Variants in LY75 observed in about 807,000 individuals in gnomAD.
LY75 encodes the protein lymphocyte antigen 75.
LY75 carries 185 observed loss-of-function variants against 231.7 expected under a neutral mutation model. That is an observed-to-expected ratio of 0.80 (90% confidence interval 0.71 to 0.90). LY75 has a LOEUF of 0.90. LY75 is among the 40% of genes least tolerant of loss of function. LY75 has a pLI of 0.00. For synonymous variants in LY75, 668 were observed against 689.0 expected (o/e 0.97, Z 0.48); for missense variants, 1,947 against 2,050.2 (o/e 0.95, Z 0.97).
intron 13 of LY75, among the ~76,000 whole-genome samples, chr2:159,870,444 G>A (rs75598313): frequency 3.3e-5 from 2 of 61,446 alleles, no homozygotes. Context: ...AAACAAGACT[G>A]TCTCAAAAAA....
intron 23 of LY75, 103 bp from the exon 24 acceptor site, chr2:159,842,477 G>T (rs754516597): frequency 2.0e-5 from 27 of 1,344,046 alleles, no homozygotes; most frequent in South Asian, 6.9e-5. Context: ...CCCTATAAAA[G>T]AATTCCATGA....
intron 3 of LY75, among the ~76,000 whole-genome samples, chr2:159,890,906 G>A (rs926356414): frequency 1.8e-4 from 27 of 152,224 alleles, no homozygotes; most frequent in African/African-American, 6.3e-4. Context: ...TATATGATAT[G>A]TAATTCACAT....
At chr2:159,872,932 T>C (rs1301692944) in intron 12 of LY75, among the ~76,000 whole-genome samples, 2 of 152,158 alleles carry the variant, frequency 1.3e-5, no homozygotes, top group African/African-American at 4.8e-5. Context: ...TACATATAAA[T>C]GCTTTGGGAG....
intron 12 of LY75, among the ~76,000 whole-genome samples, chr2:159,873,554 C>T (rs980652730): frequency 2.6e-5 from 4 of 152,062 alleles, no homozygotes; most frequent in Admixed American, 6.6e-5. Context: ...ACCATTCAAG[C>T]CCAAACTAGA....
intron 30 of LY75, 64 bp downstream of exon 30, chr2:159,816,742 C>G (rs922779256): frequency 6.3e-7 from 1 of 1,592,158 alleles, no homozygotes; most frequent in African/African-American, 1.3e-5. Context: ...ATACTTTACG[C>G]TCAAATTTCT....
intron 5 of LY75, 40 bp downstream of exon 5, chr2:159,886,380 G>A (rs745518941): frequency 2.6e-6 from 4 of 1,519,626 alleles, no homozygotes; most frequent in Non-Finnish European, 3.5e-6. Flanking sequence ...CTTTTTTGAA[G>A]ATTTGTTCTG....
At position 159,831,784 on chromosome 2, in the gene LY75, G is replaced by A; in HGVS notation, c.3844C>T (p.Pro1282Ser). The change falls in exon 28 of 35, where the codon CCA becomes TCA. Residue 1282 changes from proline to serine, a missense_variant and splice_region_variant. Transcript: ENST00000263636. ...EVHTKCQKLN[P>S]KSHILSIRDE... Reference sequence around the variant, plus strand: ...CGAATACTCAGAATATGTGATTTTGGATCTGTTGAATAAAAAATAATCAAT... The same window carrying A: ...CGAATACTCAGAATATGTGATTTTGAATCTGTTGAATAAAAAATAATCAAT... The A allele has an allele frequency of 6.3e-7, 1 of 1,598,498 alleles. No homozygotes were observed. The highest frequency in any genetic ancestry group is 2.2e-5 in the East Asian group (1 of 44,450).
intron 28 of LY75, among the ~76,000 whole-genome samples, chr2:159,821,937 C>A (rs182550890): frequency 6.6e-6 from 1 of 152,218 alleles, no homozygotes; most frequent in East Asian, 1.9e-4. Context: ...TGCAAGGGGT[C>A]GGGGAATTTT....
intron 33 of LY75, chr2:159,807,832 A>T: frequency 1.0e-6 from 1 of 974,852 alleles, no homozygotes; most frequent in Non-Finnish European, 1.2e-6. Context: ...AAGTTCACCT[A>T]AACCCTGTAT....
chr2:159,859,802 T>C (rs141831819), intron 15 of LY75, among the ~76,000 whole-genome samples: 115 of 152,342 alleles, frequency 7.5e-4, no homozygotes, highest in African/African-American at 2.7e-3. Flanking sequence ...AGATTGCTTA[T>C]GTGCTATGTG....
intron 25 of LY75, 73 bp downstream of exon 25, chr2:159,840,656 T>G: frequency 1.0e-5 from 16 of 1,589,558 alleles, no homozygotes; most frequent in Non-Finnish European, 1.3e-5. Flanking sequence ...TAGTCTGCTG[T>G]GAGAGAAGCT....
intron 28 of LY75, among the ~76,000 whole-genome samples, chr2:159,826,749 C>T (rs983920908): frequency 1.3e-5 from 2 of 152,040 alleles, no homozygotes; most frequent in Non-Finnish European, 2.9e-5. Flanking sequence ...GTACTGGTAC[C>T]AAAACAGAGA....
At position 159,854,474 on chromosome 2, in the gene LY75, A is replaced by G. The variant is rs199711779; in HGVS notation, c.2481T>C (p.Ala827=). The G allele has an allele frequency of 6.2e-7, 1 of 1,613,724 alleles. No homozygotes were observed. Among genetic ancestry groups the G allele is most frequent in the East Asian group, 2.2e-5 (1 of 44,864 alleles). Residue 827 remains alanine, a synonymous_variant, in exon 18 of 35, where the codon GCT becomes GCC. Coordinates refer to ENST00000263636, the MANE Select transcript of LY75 (RefSeq NM_002349.4). ...CTTCTTCATAGTTTAGGTGAAGATC[A>G]GCAACAAACCAATATTCACTTCCTT... is the stretch of plus-strand genomic sequence containing the variant. ...IIEGSEYWFV[A]DLHLNYEEAV...
chr2:159,870,078 A>G (rs991360763), intron 13 of LY75, among the ~76,000 whole-genome samples: 2 of 152,208 alleles, frequency 1.3e-5, no homozygotes, highest in African/African-American at 2.4e-5. Context: ...GAACACAGGT[A>G]TCATATTTTG....
chr2:159,819,649 G>A lies in LY75; in HGVS notation c.4153+77C>T. The A allele has an allele frequency of 2.0e-6, 3 of 1,487,018 alleles. No individual in the cohort carries two copies. In the South Asian group the frequency reaches 4.1e-5, roughly 20 times the overall value. 92.1% of individuals were successfully genotyped at this position (1,487,018 alleles called of 1,614,324 possible). ...ATACAGAGGAAGCATTTGATTGTAT[G>A]ATTCCCACTGGTGGAACTAATAGCC... On this transcript the variant is annotated intron_variant, in intron 29 of 34. Transcript: ENST00000263636.
At chr2:159,862,823 C>T (rs1018962641) in intron 14 of LY75, among the ~76,000 whole-genome samples, 2 of 152,062 alleles carry the variant, frequency 1.3e-5, no homozygotes, top group Admixed American at 6.5e-5. Context: ...GAACACTTAA[C>T]ATCTACTTTT....
chr2:159,820,117 C>T (rs1299149710), intron 28 of LY75, among the ~76,000 whole-genome samples, 197 bp from the exon 29 acceptor site: 1 of 152,110 alleles, frequency 6.6e-6, no homozygotes, highest in Non-Finnish European at 1.5e-5. Flanking sequence ...AATATAAATA[C>T]AAACTATAAA....
intron 3 of LY75, among the ~76,000 whole-genome samples, chr2:159,890,845 C>T (rs62176693): frequency 0.017 from 2,579 of 152,118 alleles, 36 homozygotes; most frequent in Non-Finnish European, 0.022. Context: ...CAAGTGACTA[C>T]CTTATTTGGG....
At chr2:159,874,926 AT>A (rs1444165680) in intron 12 of LY75, among the ~76,000 whole-genome samples, 2 of 138,294 alleles carry the variant, frequency 1.4e-5, no homozygotes, top group African/African-American at 5.3e-5. Context: ...AAATATATTT[AT>A]AAATATATAT....
Sources: gnomAD v4.1 joint callset for allele counts (sites outside exome capture counted in the v4.1 genomes callset) on GRCh38, gnomAD v4.1.1 for gene constraint, MANE v1.5 for transcripts, NCBI Gene and HGNC (gene_info 2026-07-23, HGNC 2026-07-21) for gene names.